TIAM1: variants seen among roughly 807,000 people sequenced by gnomAD.
TIAM1 encodes TIAM Rac1 associated GEF 1, also known as rho guanine nucleotide exchange factor TIAM1.
TIAM1 carries 65 observed loss-of-function variants against 163.5 expected under a neutral mutation model. That is an observed-to-expected ratio of 0.40 (90% CI 0.33 to 0.49). TIAM1 has a LOEUF of 0.49. Ranked by LOEUF, TIAM1 falls within the 20% of genes least tolerant of loss-of-function variation. The pLI, the probability that TIAM1 is intolerant of heterozygous loss-of-function variation, is 0.77. For missense variants in TIAM1, 1,789 were observed against 2,044.7 expected (o/e 0.87, Z 2.41); for synonymous variants, 833 against 810.1 (o/e 1.03, Z -0.48).
At chr21:31,520,059 C>T (rs1431848728) in intron 1 of TIAM1, among the ~76,000 whole-genome samples, 2 of 152,162 alleles carry the variant, frequency 1.3e-5, no homozygotes, top group African/African-American at 2.4e-5. Flanking sequence ...GGGCCGGGCG[C>T]GGTGGCCACG....
chr21:31,420,033 A>C (rs2043511426), intron 2 of TIAM1, among the ~76,000 whole-genome samples: 1 of 152,182 alleles, frequency 6.6e-6, no homozygotes, highest in Admixed American at 6.5e-5. Context: ...TGGGCAACAA[A>C]AGCAAAACTC....
intron 1 of TIAM1, among the ~76,000 whole-genome samples, chr21:31,497,669 T>C (rs2046711320): frequency 2.0e-5 from 3 of 152,210 alleles, no homozygotes; most frequent in Admixed American, 2.0e-4. Context: ...GAAATAAAAT[T>C]ACTTTGAAAA....
At chr21:31,309,532 A>T (rs1312726439) in intron 2 of TIAM1, among the ~76,000 whole-genome samples, 1 of 152,256 alleles carries the variant, frequency 6.6e-6, no homozygotes, top group Non-Finnish European at 1.5e-5. Context: ...AAAAGCTTTT[A>T]AACTTATTGG....
chr21:31,197,373 T>C (rs1355415396), intron 12 of TIAM1, among the ~76,000 whole-genome samples: 1 of 150,520 alleles, frequency 6.6e-6, no homozygotes, highest in Non-Finnish European at 1.5e-5. Flanking sequence ...TTTCATTTTC[T>C]TTTTTCTTTT....
At chr21:31,328,764 T>C (rs1246944433) in intron 2 of TIAM1, among the ~76,000 whole-genome samples, 1 of 150,790 alleles carries the variant, frequency 6.6e-6, no homozygotes, top group Non-Finnish European at 1.5e-5. Flanking sequence ...CCTGTGTCCA[T>C]GTGTTCTCAT....
chr21:31,475,024 T>TA (rs1569364273), intron 1 of TIAM1, among the ~76,000 whole-genome samples: 164 of 45,682 alleles, frequency 3.6e-3, no homozygotes, highest in East Asian at 0.015. Context: ...TGAGCTAGTT[T>TA]TTTATTATTA....
At chr21:31,310,258 T>C (rs1342869308) in intron 2 of TIAM1, among the ~76,000 whole-genome samples, 1 of 152,162 alleles carries the variant, frequency 6.6e-6, no homozygotes, top group African/African-American at 2.4e-5. Flanking sequence ...TAGTATTCCC[T>C]GCACACCAAA....
intron 1 of TIAM1, among the ~76,000 whole-genome samples, chr21:31,536,805 T>G (rs1428810191): frequency 6.6e-6 from 1 of 152,168 alleles, no homozygotes; most frequent in African/African-American, 2.4e-5. Context: ...GGGAGACAGC[T>G]GACCTCCCAT....
At chr21:31,482,504 T>G (rs985765259) in intron 1 of TIAM1, among the ~76,000 whole-genome samples, 3 of 152,132 alleles carry the variant, frequency 2.0e-5, no homozygotes, top group Non-Finnish European at 4.4e-5. Context: ...TGGTGCCCTC[T>G]TGTCACCTGG....
chr21:31,375,032 A>C (rs1300642557), intron 2 of TIAM1, among the ~76,000 whole-genome samples: 1 of 152,178 alleles, frequency 6.6e-6, no homozygotes, highest in Non-Finnish European at 1.5e-5. Context: ...AGACACAGTG[A>C]CTCAGATTCT....
intron 2 of TIAM1, among the ~76,000 whole-genome samples, chr21:31,349,964 A>G (rs1374791144): frequency 6.6e-6 from 1 of 152,268 alleles, no homozygotes; most frequent in African/African-American, 2.4e-5. Flanking sequence ...GGCACTAAAC[A>G]TGTCAAGACA....
At position 31,152,750 on chromosome 21, in the gene TIAM1, A is replaced by G; in HGVS notation, c.3252T>C (p.Leu1084=). The G allele has an allele frequency of 6.2e-7, 1 of 1,614,084 alleles. No individual in the cohort carries two copies. The highest frequency in any genetic ancestry group is 8.5e-7 in the Non-Finnish European group (1 of 1,180,000). The change falls in exon 19 of 28, where the codon CTT becomes CTC. Residue 1084 remains leucine (L), a synonymous_variant. Coordinates refer to ENST00000541036, the MANE Select transcript of TIAM1 (RefSeq NM_001353694.2). ...CTACCATTTCCGTTAAATTTCCAAA[A>G]AGCACGTCAAGCTAGAAATAAAACA... ...TFLTQDELDV[L]FGNLTEMVEF... is the part of the protein sequence containing the mutation.
intron 2 of TIAM1, among the ~76,000 whole-genome samples, chr21:31,287,267 T>C (rs1314153067): frequency 1.3e-5 from 2 of 152,236 alleles, no homozygotes; most frequent in African/African-American, 4.8e-5. Context: ...ATCTAAAAAC[T>C]GCTTATGAAT....
intron 1 of TIAM1, among the ~76,000 whole-genome samples, chr21:31,518,555 G>A (rs1456683528): frequency 6.6e-6 from 1 of 152,128 alleles, no homozygotes; most frequent in African/African-American, 2.4e-5. Context: ...CCAAAGTGCT[G>A]GGATTACAGG....
At chr21:31,516,639 C>T (rs1218113896) in intron 1 of TIAM1, among the ~76,000 whole-genome samples, 6 of 148,940 alleles carry the variant, frequency 4.0e-5, no homozygotes, top group African/African-American at 1.2e-4. Flanking sequence ...AAACTCAACA[C>T]ACTATTGGTG....
intron 2 of TIAM1, among the ~76,000 whole-genome samples, chr21:31,308,915 G>C (rs572447747): frequency 8.5e-5 from 13 of 152,214 alleles, no homozygotes; most frequent in East Asian, 7.7e-4. Flanking sequence ...CTGGGAGTTG[G>C]GGGGGTTAGT....
At chr21:31,443,082 G>A (rs934924954) in intron 2 of TIAM1, among the ~76,000 whole-genome samples, 3 of 152,194 alleles carry the variant, frequency 2.0e-5, no homozygotes, top group African/African-American at 7.2e-5. Flanking sequence ...GTATCTGCCT[G>A]AGAAGTAGAA....
rs186586865 is a variant in TIAM1 at position 31,242,847 on chromosome 21, C to G, written c.1584+2641G>C. ...CTGCACTGCAGCCTGGGGGACAGAA[C>G]AAGACTCTGTCTCAAAAAAAAAAAA... On this transcript the variant is annotated intron_variant, in intron 6 of 27. Transcript: ENST00000541036. 1.6e-4 allele frequency among the ~76,000 whole-genome samples: 12 copies of G among 75,268 alleles called. No individual in the cohort carries two copies. In the South Asian group the frequency reaches 3.9e-3, roughly 24 times the overall value. 49.4% of individuals were successfully genotyped at this position (75,268 alleles called of 152,430 possible).
intron 6 of TIAM1, among the ~76,000 whole-genome samples, chr21:31,244,670 A>G (rs1407910197): frequency 6.6e-6 from 1 of 152,236 alleles, no homozygotes; most frequent in Non-Finnish European, 1.5e-5. Flanking sequence ...GATTGCAGGG[A>G]GCTGAGATCG....
Sources: allele counts gnomAD v4.1 joint callset (sites outside exome capture counted in the v4.1 genomes callset), GRCh38; gene constraint gnomAD v4.1.1; transcripts MANE v1.5; gene names NCBI Gene and HGNC (gene_info 2026-07-23, HGNC 2026-07-21).